Variants in FHOD3 observed in about 807,000 individuals in gnomAD.
FHOD3 encodes formin homology 2 domain containing 3.
A neutral mutation model predicts 173.0 loss-of-function variants in FHOD3; 90 were observed. That is an observed-to-expected ratio of 0.52 (90% CI 0.44 to 0.62). The LOEUF is 0.62. Among genes scored for constraint, FHOD3 ranks in the 20% least tolerant of loss-of-function variants. FHOD3 has a pLI of 0.00. For synonymous variants in FHOD3, 828 were observed against 823.0 expected (o/e 1.01, Z -0.10); for missense variants, 1,945 against 2,034.7 (o/e 0.96, Z 0.85).
In FHOD3 at chr18:36,298,015, G is replaced by T. The variant is rs1416037251; in HGVS notation, c.165+15G>T. 2.0e-6 allele frequency: 3 copies of T among 1,517,566 alleles called. No individual in the cohort carries two copies. Among genetic ancestry groups the T allele is most frequent in the East Asian group, 2.7e-5 (1 of 36,444 alleles). 94.0% of individuals were successfully genotyped at this position (1,517,566 alleles called of 1,614,324 possible). On this transcript the variant is annotated intron_variant, in intron 1 of 28. Transcript: ENST00000590592. ...CGCCGCACAAGGTACGACCCGGCGG[G>T]GTGGGCTGGGCCCCCTGGACTCAGC...
intron 23 of FHOD3, among the ~76,000 whole-genome samples, chr18:36,745,663 G>A (rs2042116016): frequency 6.6e-6 from 1 of 152,074 alleles, no homozygotes; most frequent in East Asian, 1.9e-4. Context: ...AAGTAGCAAC[G>A]GCTTACCTCC....
chr18:36,648,427 CAGTTTTTAA>C (rs1250137846), intron 10 of FHOD3, among the ~76,000 whole-genome samples: 13 of 152,142 alleles, frequency 8.5e-5, no homozygotes, highest in African/African-American at 2.9e-4. Context: ...GAGAATGTCC[CAGTTTTTAA>C]AGTTTTTAGT....
chr18:36,493,165 T>G (rs1401571821), intron 3 of FHOD3, among the ~76,000 whole-genome samples: 1 of 151,942 alleles, frequency 6.6e-6, no homozygotes, highest in African/African-American at 2.4e-5. Context: ...TCCATATCCC[T>G]GAAATTGTAT....
intron 27 of FHOD3, among the ~76,000 whole-genome samples, chr18:36,767,130 C>A (rs1346447479): frequency 6.6e-6 from 1 of 152,004 alleles, no homozygotes; most frequent in East Asian, 1.9e-4. Context: ...GCAATTTCAA[C>A]AGTTTATTTT....
intron 27 of FHOD3, among the ~76,000 whole-genome samples, chr18:36,765,683 A>G (rs538657358): frequency 3.3e-5 from 5 of 152,346 alleles, no homozygotes; most frequent in African/African-American, 1.2e-4. Context: ...ACAAAACAAA[A>G]TATCTGAAAT....
At chr18:36,441,572 C>G (rs972892247) in intron 3 of FHOD3, among the ~76,000 whole-genome samples, 1 of 152,168 alleles carries the variant, frequency 6.6e-6, no homozygotes, top group African/African-American at 2.4e-5. Context: ...TGGGCAGAGT[C>G]CCTGCTGGCA....
At chr18:36,410,369 G>A (rs572204717) in intron 3 of FHOD3, among the ~76,000 whole-genome samples, 2 of 152,192 alleles carry the variant, frequency 1.3e-5, no homozygotes, top group East Asian at 3.9e-4. Flanking sequence ...ATATTCCATT[G>A]TATGGATACA....
chr18:36,630,818 G>C (rs994331709), intron 10 of FHOD3, among the ~76,000 whole-genome samples: 2 of 152,214 alleles, frequency 1.3e-5, no homozygotes, highest in African/African-American at 4.8e-5. Context: ...TTTTTTCCAT[G>C]TAAGTTACAC....
At chr18:36,688,586 C>A (rs1156967506) in intron 16 of FHOD3, among the ~76,000 whole-genome samples, 1 of 152,204 alleles carries the variant, frequency 6.6e-6, no homozygotes, top group Non-Finnish European at 1.5e-5. Context: ...TTTTTTACAT[C>A]AGAGGGCATC....
intron 14 of FHOD3, among the ~76,000 whole-genome samples, chr18:36,660,249 A>G (rs547962713): frequency 3.0e-4 from 45 of 152,262 alleles, no homozygotes; most frequent in African/African-American, 1.1e-3. Context: ...AGCCTGGGTG[A>G]CCGTGAGACT....
At chr18:36,775,429 C>G (rs891714674) in intron 28 of FHOD3, among the ~76,000 whole-genome samples, 1 of 152,140 alleles carries the variant, frequency 6.6e-6, no homozygotes, top group African/African-American at 2.4e-5. Flanking sequence ...GGACTGTGAT[C>G]CAAAGTCGGC....
At chr18:36,759,172 A>G (rs1484262544) in intron 26 of FHOD3, 31 bp downstream of exon 26, 6 of 1,532,200 alleles carry the variant, frequency 3.9e-6, no homozygotes, top group Non-Finnish European at 5.2e-6. Flanking sequence ...GAAGAATGCC[A>G]CATTTTACCA....
At chr18:36,524,316 C>T (rs763898559) in intron 5 of FHOD3, among the ~76,000 whole-genome samples, 8 of 150,224 alleles carry the variant, frequency 5.3e-5, no homozygotes, top group African/African-American at 1.2e-4. Flanking sequence ...AAAGTTGATG[C>T]GGGTGACTAG....
chr18:36,355,795 A>G (rs898375279), intron 2 of FHOD3, 150 bp downstream of exon 2: 1 of 670,724 alleles, frequency 1.5e-6, no homozygotes, highest in Admixed American at 2.7e-5. Context: ...GTGACTCATC[A>G]GTGGTGACTG....
intron 2 of FHOD3, among the ~76,000 whole-genome samples, chr18:36,369,349 A>G (rs967955503): frequency 6.6e-6 from 1 of 151,952 alleles, no homozygotes; most frequent in Admixed American, 6.6e-5. Flanking sequence ...CCAATATGTC[A>G]GTTTTAACTA....
chr18:36,545,113 C>T (rs1159789687), intron 5 of FHOD3, among the ~76,000 whole-genome samples: 1 of 152,126 alleles, frequency 6.6e-6, no homozygotes, highest in East Asian at 1.9e-4. Context: ...CCTCCCTCTC[C>T]TTCTTTATCT....
chr18:36,554,033 T>C (rs967272119), intron 5 of FHOD3, among the ~76,000 whole-genome samples: 14 of 152,180 alleles, frequency 9.2e-5, no homozygotes, highest in East Asian at 5.8e-4. Flanking sequence ...TTTTACACTG[T>C]TGGTGGGACT....
At chr18:36,628,418 A>G (rs1385606149) in intron 10 of FHOD3, among the ~76,000 whole-genome samples, 1 of 152,236 alleles carries the variant, frequency 6.6e-6, no homozygotes, top group African/African-American at 2.4e-5. Flanking sequence ...CATTCCTTGT[A>G]GGTATTTTTT....
intron 1 of FHOD3, among the ~76,000 whole-genome samples, chr18:36,331,929 C>T (rs1394894352): frequency 6.6e-6 from 1 of 152,076 alleles, no homozygotes; most frequent in African/African-American, 2.4e-5. Flanking sequence ...TGGACTAGAG[C>T]ACCAGTTGTG....
Sources: gnomAD v4.1 joint callset for allele counts (sites outside exome capture counted in the v4.1 genomes callset) on GRCh38, gnomAD v4.1.1 for gene constraint, MANE v1.5 for transcripts, NCBI Gene and HGNC (gene_info 2026-07-23, HGNC 2026-07-21) for gene names.